Variants in KSR1 observed in about 807,000 individuals in gnomAD.
KSR1 encodes the protein kinase suppressor of ras 1.
Under a neutral mutation model 92.9 loss-of-function variants are expected in KSR1, and 35 were observed. That is an observed-to-expected ratio of 0.38 (90% CI 0.29 to 0.50). The LOEUF is 0.50. Among genes scored for constraint, KSR1 ranks in the 20% least tolerant of loss-of-function variants. The probability of loss-of-function intolerance (pLI) is 0.94; values close to 1 mark genes in which losing one functional copy is unlikely to be tolerated. For missense variants in KSR1, 972 were observed against 1,158.5 expected, an observed-to-expected ratio of 0.84 and a Z score of 2.34; for synonymous variants, 467 against 472.6, an observed-to-expected ratio of 0.99 and a Z score of 0.15.
intron 1 of KSR1, among the ~76,000 whole-genome samples, chr17:27,466,866 C>T (rs570134705): frequency 6.6e-4 from 100 of 152,302 alleles, no homozygotes; most frequent in African/African-American, 1.8e-3. Flanking sequence ...TCAGAAAGAG[C>T]GCTGGTTCCA....
At chr17:27,512,265 G>C (rs111340442) in intron 1 of KSR1, among the ~76,000 whole-genome samples, 1 of 152,320 alleles carries the variant, frequency 6.6e-6, no homozygotes, top group African/African-American at 2.4e-5. Context: ...TTTTGGCTTG[G>C]AAAATAGAGA....
chr17:27,601,551 G>A (rs1465041354), intron 11 of KSR1, 150 bp downstream of exon 11: 11 of 704,162 alleles, frequency 1.6e-5, no homozygotes, highest in Non-Finnish European at 2.4e-5. Flanking sequence ...ATAGAGGATG[G>A]GAAGAGGGCA....
chr17:27,568,651 G>C (rs565939170), intron 2 of KSR1, among the ~76,000 whole-genome samples: 1 of 152,276 alleles, frequency 6.6e-6, no homozygotes, highest in South Asian at 2.1e-4. Flanking sequence ...ACCCCCAGGA[G>C]AGCTGGGGTC....
intron 1 of KSR1, among the ~76,000 whole-genome samples, chr17:27,480,218 C>T (rs1450520543): frequency 6.6e-6 from 1 of 152,124 alleles, no homozygotes; most frequent in Non-Finnish European, 1.5e-5. Context: ...CCCTTGCCTC[C>T]ACTCCCAGAG....
chr17:27,621,546 C>G (rs966352880), intron 20 of KSR1, among the ~76,000 whole-genome samples: 3 of 152,196 alleles, frequency 2.0e-5, no homozygotes, highest in African/African-American at 7.2e-5. Flanking sequence ...GGAGAAAATT[C>G]TGGTCATTGA....
At chr17:27,613,114 G>A (rs2073963668) in intron 18 of KSR1, 1 of 152,220 alleles carries the variant, frequency 6.6e-6, no homozygotes, top group Non-Finnish European at 1.5e-5. Flanking sequence ...CGAACAGCAG[G>A]CTCCTCTTTG....
At chr17:27,526,334 C>G in intron 1 of KSR1, 1 of 1,260,784 alleles carries the variant, frequency 7.9e-7, no homozygotes, top group Non-Finnish European at 1.1e-6. Context: ...AGTCCATGTT[C>G]CAGACATTCT....
At chr17:27,585,030 G>C (rs968681480) in intron 4 of KSR1, among the ~76,000 whole-genome samples, 1 of 152,140 alleles carries the variant, frequency 6.6e-6, no homozygotes, top group African/African-American at 2.4e-5. Context: ...TCCACCTCCC[G>C]GATTCAAGCG....
chr17:27,493,588 A>G (rs138897086), intron 1 of KSR1, among the ~76,000 whole-genome samples: 51 of 152,246 alleles, frequency 3.3e-4, no homozygotes, highest in African/African-American at 1.2e-3. Context: ...CCTAAAACCC[A>G]GGGAAATGTG....
At chr17:27,463,632 G>A (rs1456039890) in intron 1 of KSR1, among the ~76,000 whole-genome samples, 4 of 152,118 alleles carry the variant, frequency 2.6e-5, no homozygotes, top group Non-Finnish European at 4.4e-5. Flanking sequence ...AGCAAAGGGG[G>A]GCCCCCTGGG....
Position 27,459,995 on chromosome 17 carries a change from C to T in KSR1, c.231+3121C>T, listed in dbSNP as rs952502511. Among the ~76,000 whole-genome samples the T allele has an allele frequency of 6.6e-6, 1 of 152,178 alleles. No individual in the cohort carries two copies. Among genetic ancestry groups the T allele is most frequent in the African/African-American group, 2.4e-5 (1 of 41,432 alleles). ...GTTCCTGGAGATCAGCAGTTTTCAT[C>T]ATACACATTTTCCCTCTCTAAATAT... On this transcript the variant is annotated intron_variant, in intron 1 of 20. Coordinates refer to ENST00000644974, the MANE Select transcript of KSR1 (RefSeq NM_001394583.1). The surrounding 1 kb of genome is among the most constrained non-coding windows in gnomAD (Gnocchi z 4.6).
intron 1 of KSR1, among the ~76,000 whole-genome samples, chr17:27,507,476 T>C (rs888064761): frequency 1.3e-5 from 2 of 151,882 alleles, no homozygotes; most frequent in Non-Finnish European, 2.9e-5. Flanking sequence ...TATTTATTTT[T>C]GTATGTTTTG....
intron 2 of KSR1, among the ~76,000 whole-genome samples, chr17:27,575,391 C>T (rs977571986): frequency 2.6e-5 from 4 of 152,090 alleles, no homozygotes; most frequent in African/African-American, 9.7e-5. Context: ...GTCATGGTGC[C>T]GGTGGGAGTG....
At chr17:27,548,183 C>T (rs919032123) in intron 1 of KSR1, among the ~76,000 whole-genome samples, 21 of 150,096 alleles carry the variant, frequency 1.4e-4, no homozygotes, top group Admixed American at 3.3e-4. Flanking sequence ...ATTGCTTGAG[C>T]CCAGGAGTTC....
At chr17:27,493,512 C>T (rs2068888005) in intron 1 of KSR1, among the ~76,000 whole-genome samples, 1 of 152,192 alleles carries the variant, frequency 6.6e-6, no homozygotes. Context: ...GCTCGGTAGA[C>T]CCCACTGCCC....
chr17:27,473,270 A>C (rs1567742825), intron 1 of KSR1, among the ~76,000 whole-genome samples: 1 of 152,242 alleles, frequency 6.6e-6, no homozygotes, highest in East Asian at 1.9e-4. Context: ...GGTCTTGTTC[A>C]GGGCAGAAAG....
intron 3 of KSR1, chr17:27,579,287 C>T: frequency 6.6e-6 from 1 of 152,176 alleles, no homozygotes; most frequent in Admixed American, 6.5e-5. Context: ...AGTCAGAGTA[C>T]AGGTGGGCTA....
At chr17:27,541,507 G>A (rs1486825372) in intron 1 of KSR1, among the ~76,000 whole-genome samples, 1 of 152,214 alleles carries the variant, frequency 6.6e-6, no homozygotes, top group Non-Finnish European at 1.5e-5. Context: ...GTGTGGGCAA[G>A]CCTGTGGCTC....
chr17:27,604,764 C>T (rs1250108035), intron 13 of KSR1, 36 bp downstream of exon 13: 1 of 1,610,212 alleles, frequency 6.2e-7, no homozygotes, highest in Non-Finnish European at 8.5e-7. Flanking sequence ...AGATGGCCCC[C>T]CCTCTTTTTT....
Sources: gnomAD v4.1 joint callset for allele counts (sites outside exome capture counted in the v4.1 genomes callset) on GRCh38, gnomAD v4.1.1 for gene constraint, Gnocchi (gnomAD v3.1) non-coding constraint, MANE v1.5 for transcripts, NCBI Gene and HGNC (gene_info 2026-07-23, HGNC 2026-07-21) for gene names.